COQ5: variants seen among roughly 807,000 people sequenced by gnomAD.
The protein encoded by COQ5 is 2-methoxy-6-polyprenyl-1,4-benzoquinol methylase, mitochondrial.
Under a neutral mutation model 40.5 loss-of-function variants are expected in COQ5, and 27 were observed. The ratio of observed to expected loss-of-function variants is 0.67; its 90% CI spans 0.49 to 0.92. The LOEUF is 0.92. Among genes scored for constraint, COQ5 ranks in the 40% least tolerant of loss-of-function variants. The probability of loss-of-function intolerance (pLI) is 0.00; values close to 1 mark genes in which losing one functional copy is unlikely to be tolerated. For synonymous variants in COQ5, 141 were observed against 150.0 expected, an observed-to-expected ratio of 0.94 and a Z score of 0.44; for missense variants, 409 against 406.4, an observed-to-expected ratio of 1.01 and a Z score of -0.06.
At chr12:120,504,228 C>T (rs1868777954) in intron 5 of COQ5, 147 bp from the exon 6 acceptor site, 2 of 672,206 alleles carry the variant, frequency 3.0e-6, no homozygotes, top group Non-Finnish European at 5.4e-6. Flanking sequence ...GGGTCAGGTA[C>T]AAGACCAGTA....
At chr12:120,523,909 T>C (rs1462373130) in intron 1 of COQ5, 3 of 415,542 alleles carry the variant, frequency 7.2e-6, no homozygotes, top group East Asian at 9.5e-5. Context: ...ACTCGGGTGG[T>C]TGGGGCAGGA....
In COQ5 at chr12:120,528,935, T is replaced by G. The variant is rs1298872733; in HGVS notation, c.202+5A>C. 2 of 1,613,808 alleles carry G rather than the reference T, an allele frequency of 1.2e-6. 1 individual carries two copies. Among genetic ancestry groups the G allele is most frequent in the Non-Finnish European group, 1.7e-6 (2 of 1,179,840 alleles). ...CCCTCCCATCCGCCCTCTCGCCCCT[T>G]TCACCTTTGCCCCCCTTCTCCTCTT... On this transcript the variant is annotated splice_donor_5th_base_variant and intron_variant, in intron 1 of 6. Coordinates refer to ENST00000288532, the MANE Select transcript of COQ5 (RefSeq NM_032314.4).
chr12:120,512,197 G>A (rs575959003), intron 3 of COQ5, among the ~76,000 whole-genome samples: 165 of 150,846 alleles, frequency 1.1e-3, no homozygotes, highest in Middle Eastern at 0.011. Flanking sequence ...GTGACAGAAC[G>A]AGACTCCGTC....
intron 2 of COQ5, among the ~76,000 whole-genome samples, chr12:120,520,471 G>A (rs773793729): frequency 2.3e-4 from 35 of 151,864 alleles, no homozygotes; most frequent in Non-Finnish European, 4.1e-4. Context: ...GATTACAGGC[G>A]CATGCCACCA....
At chr12:120,517,467 G>A (rs1019274873) in intron 2 of COQ5, among the ~76,000 whole-genome samples, 1 of 149,124 alleles carries the variant, frequency 6.7e-6, no homozygotes, top group African/African-American at 2.5e-5. Flanking sequence ...TCAGGAGATC[G>A]AGACCATCTT....
At chr12:120,512,641 T>G (rs1869188568) in intron 3 of COQ5, among the ~76,000 whole-genome samples, 1 of 151,952 alleles carries the variant, frequency 6.6e-6, no homozygotes, top group Non-Finnish European at 1.5e-5. Flanking sequence ...AATAAATAAA[T>G]TGTATATATA....
chr12:120,506,494 G>A (rs1868886475), intron 4 of COQ5, among the ~76,000 whole-genome samples: 1 of 151,732 alleles, frequency 6.6e-6, no homozygotes, highest in African/African-American at 2.4e-5. Context: ...AGCCTCCCAT[G>A]TTGCTGGGAC....
chr12:120,504,412 T>TTA (rs1310672051), intron 5 of COQ5, among the ~76,000 whole-genome samples: 2 of 146,742 alleles, frequency 1.4e-5, no homozygotes, highest in Middle Eastern at 3.5e-3. Context: ...ATTTAAATTT[T>TTA]TTTTTTTTTT....
At chr12:120,511,482 C>T (rs775549420) in intron 3 of COQ5, among the ~76,000 whole-genome samples, 2 of 151,922 alleles carry the variant, frequency 1.3e-5, no homozygotes, top group South Asian at 2.1e-4. Context: ...GCAAAGTGAA[C>T]ATCAGAAAGG....
chr12:120,525,038 T>C (rs1466866112), intron 1 of COQ5, among the ~76,000 whole-genome samples: 1 of 151,804 alleles, frequency 6.6e-6, no homozygotes, highest in East Asian at 1.9e-4. Context: ...CTCGATCTCC[T>C]AACCTCAGAT....
At chr12:120,520,181 C>T (rs4767909) in intron 2 of COQ5, among the ~76,000 whole-genome samples, 80,065 of 151,028 alleles carry the variant, frequency 0.53, 24,436 homozygotes, top group East Asian at 0.77. Context: ...TCTTGCTCTG[C>T]AGCCCAGGCT....
chr12:120,522,538 A>T (rs1167697), intron 1 of COQ5, 175 bp from the exon 2 acceptor site: 167,620 of 631,844 alleles, frequency 0.27, 10,360 homozygotes, highest in Admixed American at 0.34. Flanking sequence ...TTATTGATTT[A>T]TTTTTTTTTC....
In COQ5 at chr12:120,503,723, T is replaced by C. The variant is rs762039111; in HGVS notation, c.*61A>G. On this transcript the variant is annotated 3_prime_UTR_variant, in exon 7 of 7. Transcript: ENST00000288532. ...TGCTGCTGTCTCATTTGCCAGATTA[T>C]CCTTCAGTTCCAGGCTTTCAACAGG... 3.2e-6 allele frequency: 4 copies of C among 1,244,394 alleles called. No individual in the cohort carries two copies. The African/African-American group carries it at 5.9e-5, about 18-fold the overall frequency. The allele number at this position is 1,244,394 out of a possible 1,614,324, so 77.1% of individuals were successfully genotyped here.
At chr12:120,512,149 G>A (rs1490392196) in intron 3 of COQ5, among the ~76,000 whole-genome samples, 1 of 152,108 alleles carries the variant, frequency 6.6e-6, no homozygotes, top group Non-Finnish European at 1.5e-5. Flanking sequence ...GGTGGAGCTT[G>A]CAGTGAGCCG....
At chr12:120,528,902 G>A in intron 1 of COQ5, 38 bp downstream of exon 1, 1 of 1,578,998 alleles carries the variant, frequency 6.3e-7, no homozygotes, top group Non-Finnish European at 8.7e-7. Context: ...GACCATGGAC[G>A]GTCAGATCCC....
intron 3 of COQ5, among the ~76,000 whole-genome samples, chr12:120,516,037 T>C (rs1250150270): frequency 1.3e-5 from 2 of 152,174 alleles, no homozygotes; most frequent in Non-Finnish European, 2.9e-5. Context: ...AATCCTCCTA[T>C]TGTGGCCTCC....
rs373269848 is a variant in COQ5, at chr12:120,506,821, A to G, written c.682-1838T>C. 7.9e-5 allele frequency among the ~76,000 whole-genome samples: 12 copies of G among 152,114 alleles called. No homozygotes were observed. In the East Asian group the frequency reaches 1.9e-3, roughly 24 times the overall value. On this transcript the variant is annotated intron_variant, in intron 4 of 6. Coordinates refer to ENST00000288532, the MANE Select transcript of COQ5 (RefSeq NM_032314.4). ...TCTTCTGCTCAACTCATTGGGATGC[A>G]TTCTATTTTTATTTATTTTTTTATT...
At chr12:120,515,746 T>G (rs1180214929) in intron 3 of COQ5, among the ~76,000 whole-genome samples, 1 of 151,662 alleles carries the variant, frequency 6.6e-6, no homozygotes, top group Non-Finnish European at 1.5e-5. Context: ...TGTTAAAGAG[T>G]CTTGCTTGGA....
At chr12:120,510,900 A>G (rs1869102085) in intron 3 of COQ5, among the ~76,000 whole-genome samples, 3 of 152,180 alleles carry the variant, frequency 2.0e-5, no homozygotes, top group African/African-American at 7.2e-5. Flanking sequence ...ATACAAAAAG[A>G]AGACTGTATA....
Sources: allele counts gnomAD v4.1 joint callset (sites outside exome capture counted in the v4.1 genomes callset), GRCh38; gene constraint gnomAD v4.1.1; transcripts MANE v1.5; gene names NCBI Gene and HGNC (gene_info 2026-07-23, HGNC 2026-07-21).